Variants in MPPED2 observed in about 807,000 individuals in gnomAD.
MPPED2 encodes metallophosphoesterase domain containing 2, also known as metallophosphoesterase MPPED2.
In MPPED2, 5 loss-of-function variants were observed where a neutral mutation model predicts 33.0. That is an observed-to-expected ratio of 0.15 (90% CI 0.08 to 0.32). The LOEUF (loss-of-function observed/expected upper bound fraction) is 0.32, where lower values mean the gene tolerates loss of function less well. Among genes scored for constraint, MPPED2 ranks in the 10% least tolerant of loss-of-function variants. The pLI is 1.00. For synonymous variants in MPPED2, 136 were observed against 141.9 expected (o/e 0.96, Z 0.29); for missense variants, 275 against 372.1 (o/e 0.74, Z 2.15).
At chr11:30,562,075 G>C (rs1457013430) in intron 2 of MPPED2, among the ~76,000 whole-genome samples, 1 of 152,126 alleles carries the variant, frequency 6.6e-6, no homozygotes, top group Non-Finnish European at 1.5e-5. Flanking sequence ...AAATGGAAAA[G>C]ACCTAGAAGC....
chr11:30,391,218 G>A (rs1947770292), intron 6 of MPPED2, among the ~76,000 whole-genome samples: 2 of 152,144 alleles, frequency 1.3e-5, no homozygotes, highest in Non-Finnish European at 2.9e-5. Flanking sequence ...CCTTTATAAA[G>A]TGGCTTCCCT....
At chr11:30,510,653 G>T (rs1020566902) in intron 3 of MPPED2, among the ~76,000 whole-genome samples, 7 of 152,168 alleles carry the variant, frequency 4.6e-5, no homozygotes, top group African/African-American at 1.7e-4. Flanking sequence ...CTAAGGCTCA[G>T]ATCATTGACT....
intron 3 of MPPED2, among the ~76,000 whole-genome samples, chr11:30,510,996 G>T (rs1041920302): frequency 1.3e-5 from 2 of 152,124 alleles, no homozygotes; most frequent in Non-Finnish European, 2.9e-5. Context: ...CCCACTTTGT[G>T]GTTTAACTCT....
chr11:30,440,418 G>A (rs573855037), intron 4 of MPPED2, among the ~76,000 whole-genome samples: 2 of 152,224 alleles, frequency 1.3e-5, no homozygotes, highest in South Asian at 4.2e-4. Context: ...CAATGGCAGA[G>A]GTGAGTAGCC....
At chr11:30,470,561 C>G in intron 4 of MPPED2, among the ~76,000 whole-genome samples, 1 of 152,116 alleles carries the variant, frequency 6.6e-6, no homozygotes, top group East Asian at 1.9e-4. Flanking sequence ...TACCAAGAAC[C>G]ACTAAATTAT....
chr11:30,431,480 T>A (rs1486855899), intron 4 of MPPED2, among the ~76,000 whole-genome samples: 2 of 152,186 alleles, frequency 1.3e-5, no homozygotes, highest in Non-Finnish European at 2.9e-5. Flanking sequence ...AATGAAATAA[T>A]CCACATAAAG....
At chr11:30,470,432 C>T (rs1950899837) in intron 4 of MPPED2, among the ~76,000 whole-genome samples, 1 of 151,980 alleles carries the variant, frequency 6.6e-6, no homozygotes, top group Non-Finnish European at 1.5e-5. Flanking sequence ...GGGTAGAGGG[C>T]AGAGAAATGG....
At chr11:30,398,334 A>G (rs1323737422) in intron 6 of MPPED2, among the ~76,000 whole-genome samples, 6 of 152,146 alleles carry the variant, frequency 3.9e-5, no homozygotes, top group Non-Finnish European at 8.8e-5. Context: ...ACTCTGACCC[A>G]AACTCTACCT....
At position 30,489,037 on chromosome 11, in the gene MPPED2, C is replaced by T. The variant is rs370905054; in HGVS notation, c.536+6259G>A. ...GAGCTGTTTCTTTCTTTTCTTTTTT[C>T]TTCTTCTTCTTCTCCTTTTTTTTTT... On this transcript the variant is annotated intron_variant, in intron 4 of 6. Coordinates refer to ENST00000358117, the MANE Select transcript of MPPED2 (RefSeq NM_001584.3). Among the ~76,000 whole-genome samples, 677 of 105,242 alleles carry T rather than the reference C, an allele frequency of 6.4e-3. 10 individuals are homozygous for T. Among genetic ancestry groups the T allele is most frequent in the African/African-American group, 0.019 (622 of 31,916 alleles). 69.0% of individuals were successfully genotyped at this position (105,242 alleles called of 152,430 possible).
intron 4 of MPPED2, among the ~76,000 whole-genome samples, chr11:30,435,750 CT>C (rs1949295587): frequency 6.6e-6 from 1 of 152,192 alleles, no homozygotes; most frequent in East Asian, 1.9e-4. Context: ...CTACCAACCA[CT>C]GTCAACTCTG....
At chr11:30,515,910 A>G (rs1164093967) in intron 3 of MPPED2, among the ~76,000 whole-genome samples, 2 of 152,182 alleles carry the variant, frequency 1.3e-5, no homozygotes, top group Non-Finnish European at 2.9e-5. Context: ...GATTGACTCT[A>G]AAGAGTTAAA....
At chr11:30,446,304 C>T (rs1287918114) in intron 4 of MPPED2, among the ~76,000 whole-genome samples, 1 of 152,194 alleles carries the variant, frequency 6.6e-6, no homozygotes, top group Non-Finnish European at 1.5e-5. Context: ...AGCCTGCCTA[C>T]CACTTATTGA....
intron 4 of MPPED2, among the ~76,000 whole-genome samples, chr11:30,489,308 A>G (rs1951873111): frequency 6.6e-6 from 1 of 152,264 alleles, no homozygotes; most frequent in African/African-American, 2.4e-5. Flanking sequence ...GAGTAAACAT[A>G]AAGTACTATT....
At chr11:30,547,052 T>C (rs1215289664) in intron 2 of MPPED2, among the ~76,000 whole-genome samples, 1 of 152,194 alleles carries the variant, frequency 6.6e-6, no homozygotes. Context: ...TATATCATAC[T>C]TTCCTCATGA....
At chr11:30,442,692 G>T (rs577059369) in intron 4 of MPPED2, among the ~76,000 whole-genome samples, 2 of 152,258 alleles carry the variant, frequency 1.3e-5, no homozygotes, top group South Asian at 2.1e-4. Flanking sequence ...CTAGGTATCA[G>T]TTGGGGCTCT....
chr11:30,501,243 TC>T (rs1423339436), intron 3 of MPPED2, among the ~76,000 whole-genome samples: 20 of 152,302 alleles, frequency 1.3e-4, no homozygotes, highest in African/African-American at 4.8e-4. Context: ...ATTGGACCAC[TC>T]CCTGATGCCA....
intron 4 of MPPED2, among the ~76,000 whole-genome samples, chr11:30,492,346 C>T (rs188741617): frequency 2.0e-4 from 30 of 152,262 alleles, no homozygotes; most frequent in Admixed American, 6.5e-4. Context: ...AAGTTTGTTG[C>T]TGTCATCATT....
chr11:30,548,931 T>C (rs1565174503), intron 2 of MPPED2, among the ~76,000 whole-genome samples: 1 of 152,206 alleles, frequency 6.6e-6, no homozygotes. Context: ...TAGGAATGCA[T>C]TATCCAGGTA....
chr11:30,483,705 A>G (rs1045614986), intron 4 of MPPED2, among the ~76,000 whole-genome samples: 77 of 152,320 alleles, frequency 5.1e-4, no homozygotes, highest in African/African-American at 1.7e-3. Context: ...CATTAAGACA[A>G]TAAAACATTT....
Sources: gnomAD v4.1 joint callset for allele counts (sites outside exome capture counted in the v4.1 genomes callset) on GRCh38, gnomAD v4.1.1 for gene constraint, MANE v1.5 for transcripts, NCBI Gene and HGNC (gene_info 2026-07-23, HGNC 2026-07-21) for gene names.